Variants in RASA2 observed in about 807,000 individuals in gnomAD.
The protein encoded by RASA2 is RAS p21 protein activator 2, also known as ras GTPase-activating protein 2.
RASA2 carries 155 observed loss-of-function variants against 118.2 expected under a neutral mutation model. That is an observed-to-expected ratio of 1.31 (90% confidence interval 1.15 to 1.50). The LOEUF (loss-of-function observed/expected upper bound fraction) is 1.50. Ranked by LOEUF, RASA2 falls within the 40% of genes most tolerant of loss-of-function variation. The pLI is 0.00. For synonymous variants in RASA2, 353 were observed against 349.1 expected, an observed-to-expected ratio of 1.01 and a Z score of -0.12; for missense variants, 1,016 against 1,009.6, an observed-to-expected ratio of 1.01 and a Z score of -0.09.
chr3:141,529,886 A>G (rs1280051940), intron 4 of RASA2, 84 bp downstream of exon 4: 4 of 1,042,658 alleles, frequency 3.8e-6, no homozygotes, highest in Non-Finnish European at 5.8e-6. Context: ...TCATGTAAAT[A>G]GAGCATATTA....
chr3:141,502,622 A>G (rs1014328160), intron 1 of RASA2, among the ~76,000 whole-genome samples: 11 of 152,182 alleles, frequency 7.2e-5, no homozygotes, highest in Non-Finnish European at 1.6e-4. Context: ...TTTTGAAAAT[A>G]TATATCATTC....
At chr3:141,591,960 A>C (rs532835888) in intron 19 of RASA2, among the ~76,000 whole-genome samples, 2 of 152,188 alleles carry the variant, frequency 1.3e-5, no homozygotes, top group East Asian at 3.9e-4. Context: ...TATTTTATTG[A>C]GTGCCTACTA....
At chr3:141,540,991 A>T (rs1057244360) in intron 5 of RASA2, among the ~76,000 whole-genome samples, 1 of 152,144 alleles carries the variant, frequency 6.6e-6, no homozygotes, top group Non-Finnish European at 1.5e-5. Context: ...AGAGATGACC[A>T]GTATTGATTC....
At chr3:141,563,199 A>C (rs1467985260) in intron 9 of RASA2, among the ~76,000 whole-genome samples, 1 of 152,224 alleles carries the variant, frequency 6.6e-6, no homozygotes, top group Non-Finnish European at 1.5e-5. Context: ...GTTTAGAGCA[A>C]CTGAATGCTA....
chr3:141,578,523 C>G (rs2083049078), intron 15 of RASA2: 1 of 152,198 alleles, frequency 6.6e-6, no homozygotes, highest in Admixed American at 6.5e-5. Flanking sequence ...CATTGACACT[C>G]ACTTAACTTT....
At chr3:141,602,773 C>G (rs1030223037) in intron 19 of RASA2, among the ~76,000 whole-genome samples, 3 of 152,194 alleles carry the variant, frequency 2.0e-5, no homozygotes, top group Non-Finnish European at 4.4e-5. Context: ...GGCTTCCACC[C>G]TCTGTCATCT....
At chr3:141,530,326 C>G (rs894927810) in intron 4 of RASA2, among the ~76,000 whole-genome samples, 2 of 152,030 alleles carry the variant, frequency 1.3e-5, no homozygotes, top group Non-Finnish European at 2.9e-5. Flanking sequence ...ACTCTTTAAT[C>G]TTTTTCTTTT....
chr3:141,550,268 A>T lies in RASA2; in HGVS notation c.528-3589A>T, dbSNP rs538009309. Among the ~76,000 whole-genome samples the T allele has an allele frequency of 2.6e-5, 4 of 152,348 alleles. No individual in the cohort carries two copies. In the South Asian group the frequency reaches 8.3e-4, roughly 32 times the overall value. ...GAGACATCCAGTACTTCCCAATAGG[A>T]TGCATTGAGAAGGACACCAAGATAC... On this transcript the variant is annotated intron_variant, in intron 5 of 23. Transcript: ENST00000286364.
intron 19 of RASA2, among the ~76,000 whole-genome samples, chr3:141,596,781 AAGAC>A (rs1259336479): frequency 6.6e-6 from 1 of 152,238 alleles, no homozygotes; most frequent in Non-Finnish European, 1.5e-5. Context: ...TGTAACAAAT[AAGAC>A]AGACAATACC....
intron 17 of RASA2, among the ~76,000 whole-genome samples, 172 bp downstream of exon 17, chr3:141,581,349 C>G (rs146291724): frequency 7.9e-5 from 12 of 152,194 alleles, no homozygotes; most frequent in African/African-American, 2.4e-4. Flanking sequence ...TGCTTTTCAG[C>G]TTTGAAAATA....
At chr3:141,591,229 G>T (rs897657222) in intron 19 of RASA2, among the ~76,000 whole-genome samples, 1 of 152,022 alleles carries the variant, frequency 6.6e-6, no homozygotes, top group East Asian at 1.9e-4. Context: ...TACATCTTTT[G>T]CATGCTTTTA....
intron 5 of RASA2, among the ~76,000 whole-genome samples, chr3:141,553,415 TTTCTTA>T (rs1205787687): frequency 1.4e-5 from 2 of 146,322 alleles, no homozygotes; most frequent in East Asian, 1.9e-4. Flanking sequence ...CTGTTTTGAA[TTTCTTA>T]TTCTTATTTT....
rs143548290 is a variant in RASA2 at position 141,513,098 on chromosome 3, G to C, written c.251+818G>C. ...AAAAAAAACAAAAAAACGAAAAACA[G>C]GGTGTGGGGTATTATTGGAATGAGC... On this transcript the variant is annotated intron_variant, in intron 2 of 23. Transcript: ENST00000286364. Among the ~76,000 whole-genome samples the C allele has an allele frequency of 2.5e-4, 38 of 149,954 alleles. No homozygotes were observed. In the East Asian group the frequency reaches 6.0e-3, roughly 24 times the overall value.
chr3:141,558,902 G>C lies in RASA2; in HGVS notation c.701G>C (p.Ser234Thr). 6.2e-7 allele frequency: 1 copy of C among 1,604,666 alleles called. No homozygotes were observed. The highest frequency in any genetic ancestry group is 8.5e-7 in the Non-Finnish European group (1 of 1,172,368). Residue 234 changes from serine to threonine, a missense_variant, in exon 8 of 24, where the codon AGT becomes ACT. Coordinates refer to ENST00000286364, the MANE Select transcript of RASA2 (RefSeq NM_006506.5). ...IFYFEVTRSS[S>T]YTRKSQFQVE... ...TGTTTACAGGTAACCAGATCCAGTAGTTACACCAGAAAGTCCCAGTTCCAG... is the reference window on the plus strand; with the variant it reads ...TGTTTACAGGTAACCAGATCCAGTACTTACACCAGAAAGTCCCAGTTCCAG...
At chr3:141,580,477 T>C in intron 16 of RASA2, 26 bp downstream of exon 16, 1 of 1,524,166 alleles carries the variant, frequency 6.6e-7, no homozygotes, top group Admixed American at 1.8e-5. Flanking sequence ...TTTTATTTTG[T>C]TTTTACACTT....
intron 4 of RASA2, among the ~76,000 whole-genome samples, chr3:141,537,629 C>T (rs1172210021): frequency 1.3e-5 from 2 of 152,002 alleles, no homozygotes; most frequent in South Asian, 2.1e-4. Flanking sequence ...ATTAGCCGGG[C>T]GTGGTGGCAC....
At chr3:141,600,204 A>G (rs1036444932) in intron 19 of RASA2, 1 of 414,934 alleles carries the variant, frequency 2.4e-6, no homozygotes, top group Non-Finnish European at 4.9e-6. Flanking sequence ...TCCAAGTGGA[A>G]TAAGGAATGG....
rs1278484386 is a variant in RASA2 at position 141,570,927 on chromosome 3, A to G, written c.879A>G (p.Pro293=). The G allele has an allele frequency of 1.2e-6, 2 of 1,608,232 alleles. No individual in the cohort carries two copies. Among genetic ancestry groups the G allele is most frequent in the East Asian group, 2.2e-5 (1 of 44,546 alleles). The change falls in exon 10 of 24, where the codon CCA becomes CCG. Residue 293 remains proline (P), a synonymous_variant. Coordinates refer to ENST00000286364, the MANE Select transcript of RASA2 (RefSeq NM_006506.5). ...SSHQAWYLLQ[P]RDNGNKSSKT... ...TTTACTTTAGGTACTTGCTACAGCC[A>G]AGAGACAATGGAAACAAGTCATCCA...
chr3:141,533,644 C>T (rs1024032764), intron 4 of RASA2, among the ~76,000 whole-genome samples: 2 of 152,132 alleles, frequency 1.3e-5, no homozygotes, highest in African/African-American at 2.4e-5. Context: ...ATTGCTGATA[C>T]TGTTATACTT....
Sources: allele counts gnomAD v4.1 joint callset (sites outside exome capture counted in the v4.1 genomes callset), GRCh38; gene constraint gnomAD v4.1.1; transcripts MANE v1.5; gene names NCBI Gene and HGNC (gene_info 2026-07-23, HGNC 2026-07-21).